The following RNF135 variants were observed in gnomAD, a reference collection of about 807,000 sequenced individuals.
The protein encoded by RNF135 is E3 ubiquitin-protein ligase RNF135.
In RNF135, 46 loss-of-function variants were observed where a neutral mutation model predicts 41.9. That is an observed-to-expected ratio of 1.10 (90% CI 0.87 to 1.40). The LOEUF is 1.40. Ranked by LOEUF, RNF135 falls within the 40% of genes most tolerant of loss-of-function variation. The pLI is 0.00. For synonymous variants in RNF135, 238 were observed against 223.8 expected (o/e 1.06, Z -0.57); for missense variants, 539 against 549.8 (o/e 0.98, Z 0.20).
intron 2 of RNF135, among the ~76,000 whole-genome samples, chr17:30,985,996 G>C (rs1391955289): frequency 6.6e-6 from 1 of 152,124 alleles, no homozygotes; most frequent in Non-Finnish European, 1.5e-5. Context: ...TCAGATCCTA[G>C]CTAGAACGTC....
intron 3 of RNF135, among the ~76,000 whole-genome samples, chr17:30,990,990 G>C (rs1234706823): frequency 6.6e-6 from 1 of 152,122 alleles, no homozygotes; most frequent in East Asian, 1.9e-4. Flanking sequence ...TTTCATATGG[G>C]TGTAGATATA....
intron 4 of RNF135, 62 bp from the exon 5 acceptor site, chr17:30,998,600 T>G: frequency 6.5e-7 from 1 of 1,544,096 alleles, no homozygotes; most frequent in Admixed American, 1.7e-5. Flanking sequence ...TGAAGACTTC[T>G]TAGCATGGAC....
upstream of RNF135, among the ~76,000 whole-genome samples, chr17:30,967,192 C>T (rs1249400180): frequency 2.6e-5 from 4 of 152,012 alleles, no homozygotes; most frequent in African/African-American, 9.7e-5. Flanking sequence ...CCATGCCCAG[C>T]TAATTTTTGT....
chr17:30,967,612 T>C (rs918099719), upstream of RNF135, among the ~76,000 whole-genome samples: 9 of 152,270 alleles, frequency 5.9e-5, no homozygotes, highest in African/African-American at 2.2e-4. Context: ...TAAAAGACTT[T>C]CATGCATGAA....
chr17:30,964,361 C>T, the RNF135 span, among the ~76,000 whole-genome samples: 1 of 139,482 alleles, frequency 7.2e-6, no homozygotes, highest in Non-Finnish European at 1.5e-5. Flanking sequence ...TGCACTCCAG[C>T]CTGGAGGACA....
chr17:30,971,561 C>T (rs1023971297), intron 1 of RNF135, 116 bp downstream of exon 1: 6 of 1,373,416 alleles, frequency 4.4e-6, no homozygotes, highest in Non-Finnish European at 5.6e-6. Context: ...TTCCTTTTCT[C>T]AGTCTAAAAG....
In RNF135 at chr17:30,997,288, C is replaced by G; in HGVS notation, c.726C>G (p.Asp242Glu). The change falls in exon 4 of 5, where the codon GAC (aspartate) becomes GAG (glutamate). Residue 242 changes from aspartate (D) to glutamate (E), a missense_variant. Asp to Glu is a conservative substitution (Grantham distance 45, BLOSUM62 2). Coordinates refer to ENST00000328381, the MANE Select transcript of RNF135 (RefSeq NM_032322.4). ...APSSSSCPLP[D>E]QSHPALRRAS... ...CTTCCTCCTCATGCCCATTGCCTGA[C>G]CAGAGCCACCCTGCACTCAGGAGAG... is the stretch of plus-strand genomic sequence containing the variant. 1 of 1,614,068 alleles carries G rather than the reference C, an allele frequency of 6.2e-7. No individual in the cohort carries two copies.
chr17:30,998,405 T>C (rs189855768), intron 4 of RNF135, among the ~76,000 whole-genome samples: 1 of 152,248 alleles, frequency 6.6e-6, no homozygotes, highest in Non-Finnish European at 1.5e-5. Context: ...TAAATAAATA[T>C]AATAAGTGTA....
Position 30,999,151 on chromosome 17 carries a change from A to G in RNF135, c.1259A>G (p.His420Arg). Residue 420 changes from histidine (H) to arginine (R), a missense_variant, in exon 5 of 5, where the codon CAT (histidine) becomes CGT (arginine). Around this residue, in one of 2 missense-constraint regions of RNF135, gnomAD observed 262 missense variants for 336.9 expected, o/e 0.78. Transcript: ENST00000328381. The part of the protein sequence containing the change: ...LYPAFWLYGL[H>R]PGNYLIIKQV... ...CCTGCCTTCTGGCTGTATGGCTTAC[A>G]TCCTGGAAATTACCTGATAATAAAG... 5 of 1,614,120 alleles carry G rather than the reference A, an allele frequency of 3.1e-6. No homozygotes were observed. Among genetic ancestry groups the G allele is most frequent in the Non-Finnish European group, 1.7e-6 (2 of 1,180,022 alleles).
Position 30,988,063 on chromosome 17 carries a change from A to G in RNF135, c.636A>G (p.Gln212=). 1 of 1,614,178 alleles carries G rather than the reference A, an allele frequency of 6.2e-7. No homozygotes were observed. The highest frequency in any genetic ancestry group is 8.5e-7 in the Non-Finnish European group (1 of 1,180,012). ...HDLEEIQEKL[Q]ESVTWKEAPE... Reference sequence around the variant, plus strand: ...TAGAAGAAATTCAGGAAAAATTACAAGAAAGCGTCACCTGGAAAGAGGCTC... The same window carrying G: ...TAGAAGAAATTCAGGAAAAATTACAGGAAAGCGTCACCTGGAAAGAGGCTC... The change falls in exon 3 of 5, where the codon CAA becomes CAG. Residue 212 remains glutamine, a synonymous_variant. Transcript: ENST00000328381.
chr17:30,982,631 T>C (rs1907237671), intron 1 of RNF135, among the ~76,000 whole-genome samples: 1 of 152,180 alleles, frequency 6.6e-6, no homozygotes, highest in African/African-American at 2.4e-5. Flanking sequence ...AGTTGTTAAA[T>C]TTGGTGTTCT....
chr17:30,971,260 C>G lies in RNF135; in HGVS notation c.187C>G (p.Arg63Gly). ...CCGCCGCTGGGCCTGCCCCACTTGCCGCCAGGGCGCCGCGCAGCAGCCGCA... is the reference window on the plus strand; with the variant it reads ...CCGCCGCTGGGCCTGCCCCACTTGCGGCCAGGGCGCCGCGCAGCAGCCGCA... ...DARRWACPTC[R>G]QGAAQQPHLR... Residue 63 changes from arginine (R) to glycine (G), a missense_variant, in exon 1 of 5, where the codon CGC becomes GGC. Physicochemically the swap from Arg to Gly is moderately radical, Grantham distance 125 (BLOSUM62 -2). Transcript: ENST00000328381. The G allele has an allele frequency of 6.6e-7, 1 of 1,522,994 alleles. No homozygotes were observed. Among genetic ancestry groups the G allele is most frequent in the Non-Finnish European group, 8.8e-7 (1 of 1,140,276 alleles). The allele number at this position is 1,522,994 out of a possible 1,614,324, so 94.3% of individuals were successfully genotyped here. A position where few individuals can be genotyped will look rare whatever the true frequency, so the allele number is the denominator to read the frequency against.
intron 1 of RNF135, chr17:30,971,980 CG>C (rs2142653646): frequency 6.5e-6 from 1 of 153,186 alleles, no homozygotes; most frequent in Admixed American, 6.6e-5. Flanking sequence ...TTAGTAGAGA[CG>C]GGGTTTCGAC....
the RNF135 span, among the ~76,000 whole-genome samples, chr17:30,960,206 A>G: frequency 6.6e-6 from 1 of 151,808 alleles, no homozygotes; most frequent in African/African-American, 2.4e-5. Context: ...ATCCTGGCCA[A>G]CATGGTGAAA....
chr17:30,994,454 G>C (rs1222492643), intron 3 of RNF135, among the ~76,000 whole-genome samples: 1 of 151,810 alleles, frequency 6.6e-6, no homozygotes, highest in Non-Finnish European at 1.5e-5. Flanking sequence ...GGAGGCTGAG[G>C]TGGGAGGATC....
At chr17:30,981,548 C>G (rs1488179406) in intron 1 of RNF135, among the ~76,000 whole-genome samples, 1 of 152,202 alleles carries the variant, frequency 6.6e-6, no homozygotes, top group Non-Finnish European at 1.5e-5. Flanking sequence ...CCTGAATTGG[C>G]TCTTGGTGAC....
intron 1 of RNF135, among the ~76,000 whole-genome samples, chr17:30,976,668 C>A (rs999781012): frequency 2.6e-5 from 4 of 152,146 alleles, no homozygotes; most frequent in African/African-American, 9.7e-5. Flanking sequence ...GTTGTTATAT[C>A]TTCTTACTGA....
intron 1 of RNF135, chr17:30,975,953 G>A: frequency 4.1e-6 from 2 of 488,168 alleles, no homozygotes; most frequent in South Asian, 3.9e-5. Flanking sequence ...ACAAAGTTGA[G>A]AGATGATAAA....
chr17:30,998,530 G>A (rs1467158699), intron 4 of RNF135, 132 bp from the exon 5 acceptor site: 2 of 857,980 alleles, frequency 2.3e-6, no homozygotes, highest in Non-Finnish European at 3.9e-6. Flanking sequence ...GTTGGGTGAT[G>A]TAGCAATTTT....
Sources: allele counts gnomAD v4.1 joint callset (sites outside exome capture counted in the v4.1 genomes callset), GRCh38; gene constraint gnomAD v4.1.1; regional missense constraint gnomAD v4.1.1; transcripts MANE v1.5; gene names NCBI Gene and HGNC (gene_info 2026-07-23, HGNC 2026-07-21).